The following SKI variants were observed in gnomAD, a reference collection of about 807,000 sequenced individuals.
The protein encoded by SKI is ski oncogene.
A neutral mutation model predicts 59.3 loss-of-function variants in SKI; 23 were observed. That is an observed-to-expected ratio of 0.39 (90% CI 0.28 to 0.55). SKI has a LOEUF of 0.55. Among genes scored for constraint, SKI ranks in the 20% least tolerant of loss-of-function variants. The probability of loss-of-function intolerance (pLI) is 0.67; values close to 1 mark genes in which losing one functional copy is unlikely to be tolerated. For synonymous variants in SKI, 673 were observed against 488.6 expected (o/e 1.38, Z -4.98); for missense variants, 1,017 against 1,038.9 (o/e 0.98, Z 0.29).
In SKI at chr1:2,270,707, G is replaced by C. The variant is rs112180112; in HGVS notation, c.970-32271G>C. Among the ~76,000 whole-genome samples the C allele has an allele frequency of 1.8e-3, 278 of 152,340 alleles. No homozygotes were observed. Among genetic ancestry groups the C allele is most frequent in the African/African-American group, 5.5e-3 (230 of 41,574 alleles). On this transcript the variant is annotated intron_variant, in intron 1 of 6. Transcript: ENST00000378536. The surrounding 1 kb of genome is among the most constrained non-coding windows in gnomAD (Gnocchi z 4.1). ...AGGGGCTGGAGGTGGGGCGGGAGCAGAGACTGGACCTGGCCAGCCCCTCCC... is the reference window on the plus strand; with the variant it reads ...AGGGGCTGGAGGTGGGGCGGGAGCACAGACTGGACCTGGCCAGCCCCTCCC...
intron 1 of SKI, among the ~76,000 whole-genome samples, chr1:2,248,519 C>T (rs1198428514): frequency 2.6e-5 from 4 of 152,170 alleles, no homozygotes; most frequent in Non-Finnish European, 4.4e-5. Flanking sequence ...GCAACTGTGA[C>T]GGTGCTGGTT....
intron 1 of SKI, among the ~76,000 whole-genome samples, chr1:2,297,926 G>A (rs561471997): frequency 1.3e-5 from 2 of 152,250 alleles, no homozygotes; most frequent in Non-Finnish European, 1.5e-5. Context: ...GGGGACGCAC[G>A]GGAGGGGTTG....
chr1:2,299,041 GGTT>G (rs1355204635), intron 1 of SKI, among the ~76,000 whole-genome samples: 1 of 152,240 alleles, frequency 6.6e-6, no homozygotes, highest in Non-Finnish European at 1.5e-5. Context: ...GGCTCTATGT[GGTT>G]GTTTTGTGTG....
Position 2,229,752 on chromosome 1 carries a change from C to T in SKI, c.969+17C>T, listed in dbSNP as rs1207978723. The T allele has an allele frequency of 1.9e-6, 3 of 1,552,128 alleles. No homozygotes were observed. Among genetic ancestry groups the T allele is most frequent in the Non-Finnish European group, 1.7e-6 (2 of 1,148,032 alleles). On this transcript the variant is annotated intron_variant, in intron 1 of 6. Coordinates refer to ENST00000378536, the MANE Select transcript of SKI (RefSeq NM_003036.4). This position sits in a 1 kb window ranked among gnomAD's most constrained non-coding sequence, Gnocchi z 6.3. ...GTGCCCCGGGTGAGTGGCCCCAGGC[C>T]TGGGAGCTGGGGAGGATGCGCTTGG...
intron 1 of SKI, among the ~76,000 whole-genome samples, chr1:2,276,514 G>T (rs571980010): frequency 2.6e-5 from 4 of 152,246 alleles, no homozygotes; most frequent in Non-Finnish European, 4.4e-5. Flanking sequence ...CCCTGTCTGT[G>T]CCTCTAGAGG....
At chr1:2,239,512 G>A (rs183420735) in intron 1 of SKI, among the ~76,000 whole-genome samples, 4 of 152,360 alleles carry the variant, frequency 2.6e-5, no homozygotes, top group South Asian at 4.1e-4. Flanking sequence ...GGGTGTAGCC[G>A]TTGGCGGCAC....
intron 1 of SKI, among the ~76,000 whole-genome samples, chr1:2,294,780 G>A (rs553230528): frequency 6.6e-6 from 1 of 152,284 alleles, no homozygotes; most frequent in East Asian, 1.9e-4. Flanking sequence ...AGGGCCCTCA[G>A]GCCCCCGTCT....
intron 1 of SKI, among the ~76,000 whole-genome samples, chr1:2,272,905 C>T (rs1015176774): frequency 1.3e-5 from 2 of 152,170 alleles, no homozygotes; most frequent in African/African-American, 4.8e-5. Flanking sequence ...GTCTGTGCTT[C>T]TTCCAGGCGG....
At chr1:2,276,755 C>T (rs1014160913) in intron 1 of SKI, among the ~76,000 whole-genome samples, 1 of 152,212 alleles carries the variant, frequency 6.6e-6, no homozygotes, top group African/African-American at 2.4e-5. Context: ...CCTCTGGCTC[C>T]TGATTGCTGA....
intron 1 of SKI, among the ~76,000 whole-genome samples, chr1:2,264,786 A>G (rs1303864605): frequency 6.6e-6 from 1 of 151,716 alleles, no homozygotes; most frequent in Non-Finnish European, 1.5e-5. Flanking sequence ...CCTCTTCTTG[A>G]CGGACATGCC....
chr1:2,269,022 C>T lies in SKI; in HGVS notation c.970-33956C>T, dbSNP rs552082132. ...GCTGGAGTGCAGCAGCACAGTCTTG[C>T]GGCCTCAACCTTGTTGGTTCAAGTG... On this transcript the variant is annotated intron_variant, in intron 1 of 6. Coordinates refer to ENST00000378536, the MANE Select transcript of SKI (RefSeq NM_003036.4). The surrounding 1 kb of genome is among the most constrained non-coding windows in gnomAD (Gnocchi z 4.7). 2.4e-4 allele frequency among the ~76,000 whole-genome samples: 37 copies of T among 152,234 alleles called. No homozygotes were observed. The highest frequency in any genetic ancestry group is 8.7e-4 in the African/African-American group (36 of 41,544).
intron 1 of SKI, among the ~76,000 whole-genome samples, chr1:2,265,181 C>T (rs186270239): frequency 1.3e-5 from 2 of 152,236 alleles, no homozygotes; most frequent in East Asian, 3.9e-4. Flanking sequence ...TTCCCCGTGC[C>T]GCATGTGTTT....
chr1:2,287,258 G>A (rs931882999), intron 1 of SKI, among the ~76,000 whole-genome samples: 17 of 151,948 alleles, frequency 1.1e-4, no homozygotes, highest in Admixed American at 7.2e-4. Flanking sequence ...TTGGGAATGC[G>A]TTTCTTTAGA....
At chr1:2,296,968 C>G (rs998589693) in intron 1 of SKI, among the ~76,000 whole-genome samples, 3 of 152,166 alleles carry the variant, frequency 2.0e-5, no homozygotes, top group Non-Finnish European at 4.4e-5. Context: ...GCTGTTCCCA[C>G]AAGGCCCGTG....
At chr1:2,281,019 C>T (rs1217858470) in intron 1 of SKI, among the ~76,000 whole-genome samples, 5 of 28,168 alleles carry the variant, frequency 1.8e-4, no homozygotes, top group Non-Finnish European at 2.8e-4. Context: ...CAGGCGGCGG[C>T]GGCGATCTTC....
chr1:2,238,475 A>G (rs1638798169), intron 1 of SKI, among the ~76,000 whole-genome samples: 1 of 152,196 alleles, frequency 6.6e-6, no homozygotes, highest in Non-Finnish European at 1.5e-5. Context: ...CATGGCCCTG[A>G]CAGGCTCTGA....
In SKI at chr1:2,228,739, G is replaced by A. The variant is rs1057524766; in HGVS notation, c.-28G>A. 11 of 1,082,824 alleles carry A rather than the reference G, an allele frequency of 1.0e-5. No individual in the cohort carries two copies. The East Asian group carries it at 5.1e-4, about 50-fold the overall frequency. 67.1% of individuals were successfully genotyped at this position (1,082,824 alleles called of 1,614,324 possible). A position where few individuals can be genotyped will look rare whatever the true frequency, so the allele number is the denominator to read the frequency against. ...GGGGGGGCCCGGGCGCGCGGGAGCG[G>A]GAGCGGCCGGGGGAGCCGGAGCGCA... On this transcript the variant is annotated 5_prime_UTR_variant, in exon 1 of 7. Transcript: ENST00000378536.
chr1:2,303,899 C>T lies in SKI; in HGVS notation c.1271C>T (p.Pro424Leu), dbSNP rs764317955. The change falls in exon 4 of 7, where the codon CCG becomes CTG. Residue 424 changes from proline to leucine, a missense_variant. Transcript: ENST00000378536. The surrounding 1 kb of genome is among the most constrained non-coding windows in gnomAD (Gnocchi z 5.6). ...AVAPNVALAPPAQQKVVSSPP... is the reference protein window; with the variant it reads ...AVAPNVALAPLAQQKVVSSPP... ...GCGCCCAACGTGGCCCTCGCACCGC[C>T]GGCCCAGCAGAAGGTTGTGAGCAGC... 2.0e-5 allele frequency: 33 copies of T among 1,612,210 alleles called. No homozygotes were observed. The highest frequency in any genetic ancestry group is 1.3e-4 in the African/African-American group (10 of 74,906).
chr1:2,293,640 C>G (rs922230778), intron 1 of SKI, among the ~76,000 whole-genome samples: 2 of 152,202 alleles, frequency 1.3e-5, no homozygotes, highest in Non-Finnish European at 2.9e-5. Context: ...TCTCATTCCC[C>G]CGTGTCTTGC....
Sources: allele counts gnomAD v4.1 joint callset (sites outside exome capture counted in the v4.1 genomes callset), GRCh38; gene constraint gnomAD v4.1.1; non-coding constraint Gnocchi (gnomAD v3.1); transcripts MANE v1.5; gene names NCBI Gene and HGNC (gene_info 2026-07-23, HGNC 2026-07-21).